Variants in COL2A1 observed in about 807,000 individuals in gnomAD.
COL2A1 encodes the protein collagen alpha-1(II) chain.
Under a neutral mutation model 204.5 loss-of-function variants are expected in COL2A1, and 28 were observed. That is an observed-to-expected ratio of 0.14 (90% CI 0.10 to 0.19). The LOEUF (loss-of-function observed/expected upper bound fraction) is 0.19, where lower values mean the gene tolerates loss of function less well. Among genes scored for constraint, COL2A1 ranks in the 10% least tolerant of loss-of-function variants. The probability of loss-of-function intolerance (pLI) is 1.00; values close to 1 mark genes in which losing one functional copy is unlikely to be tolerated. For missense variants in COL2A1, 1,388 were observed against 2,027.5 expected (o/e 0.68, Z 6.06); for synonymous variants, 708 against 718.7 (o/e 0.99, Z 0.24).
Position 47,978,601 on chromosome 12 carries a change from G to A in COL2A1, c.2891C>T (p.Pro964Leu), listed in dbSNP as rs762474697. The change falls in exon 42 of 54, where the codon CCC becomes CTC. Residue 964 changes from proline to leucine, a missense_variant. Pro to Leu is a moderately conservative substitution (Grantham distance 98). Around this residue, in one of 3 missense-constraint regions of COL2A1, gnomAD observed 884 missense variants for 1,415.8 expected, o/e 0.62. Coordinates refer to ENST00000380518, the MANE Select transcript of COL2A1 (RefSeq NM_001844.5). The surrounding 1 kb of genome is among the most constrained non-coding windows in gnomAD (Gnocchi z 5.5). Reference sequence around the variant, plus strand: ...TGGGCCTGGTGAGGGACTTACAGAGGGACCGTCATCTCCAGGCTCTCCCTT... The same window carrying A: ...TGGGCCTGGTGAGGGACTTACAGAGAGACCGTCATCTCCAGGCTCTCCCTT... ...GEKGEPGDDG[P>L]SGAEGPPGPQ... The A allele has an allele frequency of 1.9e-6, 3 of 1,613,408 alleles. No homozygotes were observed. Among genetic ancestry groups the A allele is most frequent in the Non-Finnish European group, 2.5e-6 (3 of 1,179,956 alleles).
chr12:47,977,025 C>T, intron 47 of COL2A1, 77 bp downstream of exon 47: 1 of 1,554,348 alleles, frequency 6.4e-7, no homozygotes, highest in South Asian at 1.2e-5. Context: ...GCTGGAGGCC[C>T]AGGAACCACC....
At chr12:47,994,628 A>G in intron 11 of COL2A1, 151 bp from the exon 12 acceptor site, 1 of 794,832 alleles carries the variant, frequency 1.3e-6, no homozygotes, top group Non-Finnish European at 2.1e-6. Flanking sequence ...ACGTGCCTGG[A>G]TGCCTTTCAT....
rs1189527672 is a variant in COL2A1 at position 47,994,036 on chromosome 12, A to T, written c.828T>A (p.Gly276=). The T allele has an allele frequency of 6.2e-7, 1 of 1,613,928 alleles. No individual in the cohort carries two copies. The highest frequency in any genetic ancestry group is 1.1e-5 in the South Asian group (1 of 91,082). Residue 276 remains glycine, a synonymous_variant, in exon 13 of 54, where the codon GGT becomes GGA. Coordinates refer to ENST00000380518, the MANE Select transcript of COL2A1 (RefSeq NM_001844.5). ...RGPPGPQGAR[G]FPGTPGLPGV... ...CAGGAAGGCCTGGGGTTCCTGGGAA[A>T]CCACGAGCACCCTGCAATCCAAAGT...
At chr12:47,997,567 G>T (rs1940018809) in intron 7 of COL2A1, 39 bp downstream of exon 7, 2 of 1,613,622 alleles carry the variant, frequency 1.2e-6, no homozygotes, top group African/African-American at 2.7e-5. Flanking sequence ...CACATTTCTG[G>T]AGGGACAGCC....
intron 2 of COL2A1, 70 bp downstream of exon 2, chr12:47,999,849 C>A (rs1940148738): frequency 1.5e-6 from 2 of 1,372,358 alleles, no homozygotes; most frequent in African/African-American, 2.9e-5. Context: ...CGACCAGCAT[C>A]TATGGGAGCG....
rs1046781750 is a variant in COL2A1, at chr12:47,988,166, C to A, written c.1123-457G>T. ...AGTCTCTGAACATCCCAGCTCAGAG[C>A]ACCACCTCACTCCCATCTGGCTGAC... On this transcript the variant is annotated intron_variant, in intron 18 of 53. Transcript: ENST00000380518. Among the ~76,000 whole-genome samples the A allele has an allele frequency of 3.9e-5, 6 of 152,212 alleles. 1 individual carries two copies. Among genetic ancestry groups the A allele is most frequent in the Admixed American group, 3.9e-4 (6 of 15,294 alleles).
rs1370511830 is a variant in COL2A1, at chr12:47,973,044, C to T, written c.*363G>A. ...CAGAGGTGTTTGACACAGAATAGCA[C>T]CATTGTGTAGGACACACACAGTTCC... On this transcript the variant is annotated 3_prime_UTR_variant, in exon 54 of 54. Transcript: ENST00000380518. 2 of 571,114 alleles carry T rather than the reference C, an allele frequency of 3.5e-6. No homozygotes were observed. The highest frequency in any genetic ancestry group is 6.2e-6 in the Non-Finnish European group (2 of 320,996). 35.4% of individuals were successfully genotyped at this position (571,114 alleles called of 1,614,324 possible).
intron 40 of COL2A1, 70 bp downstream of exon 40, chr12:47,979,939 C>CT: frequency 7.2e-7 from 1 of 1,395,652 alleles, no homozygotes. Flanking sequence ...CAGAACACCC[C>CT]CGCCATGGGA....
rs111570218 is a variant in COL2A1 at position 47,982,950 on chromosome 12, C to A, written c.2095-4G>T. ...CACCTGGGAAACCTCGTTCACCCTG[C>A]GGCAGAGACACCAAGAAGTGATCAA... On this transcript the variant is annotated splice_polypyrimidine_tract_variant and splice_region_variant and intron_variant, in intron 32 of 53. Transcript: ENST00000380518. 8.1e-6 allele frequency: 13 copies of A among 1,613,324 alleles called. No homozygotes were observed. The highest frequency in any genetic ancestry group is 3.3e-5 in the South Asian group (3 of 91,064).
Position 47,983,665 on chromosome 12 carries a change from C to T in COL2A1, c.1995+18G>A. 6.3e-7 allele frequency: 1 copy of T among 1,592,388 alleles called. No homozygotes were observed. The highest frequency in any genetic ancestry group is 8.6e-7 in the Non-Finnish European group (1 of 1,169,360). Reference sequence around the variant, plus strand: ...GTATGGCAAAGGACTGCACAGAGAGCCTGGTCCAGCCACCTACCTGGAACC... The same window carrying T: ...GTATGGCAAAGGACTGCACAGAGAGTCTGGTCCAGCCACCTACCTGGAACC... On this transcript the variant is annotated intron_variant, in intron 30 of 53. Coordinates refer to ENST00000380518, the MANE Select transcript of COL2A1 (RefSeq NM_001844.5).
At chr12:47,995,393 G>C in intron 10 of COL2A1, 85 bp from the exon 11 acceptor site, 1 of 1,176,544 alleles carries the variant, frequency 8.5e-7, no homozygotes, top group South Asian at 1.2e-5. Flanking sequence ...TTGTAGTTTT[G>C]GAAGCCAGTT....
At chr12:47,975,234 A>G in intron 51 of COL2A1, 83 bp downstream of exon 51, 1 of 1,539,450 alleles carries the variant, frequency 6.5e-7, no homozygotes, top group Non-Finnish European at 8.9e-7. Flanking sequence ...GCCCTGTACT[A>G]GGGGGCATCT....
chr12:47,977,967 C>T, intron 44 of COL2A1, 43 bp downstream of exon 44: 1 of 1,548,722 alleles, frequency 6.5e-7, no homozygotes, highest in Non-Finnish European at 8.9e-7. Context: ...TCACAGGGCC[C>T]CTCTCCCCAA....
chr12:47,985,636 C>T, intron 25 of COL2A1, 49 bp from the exon 26 acceptor site: 1 of 1,609,922 alleles, frequency 6.2e-7, no homozygotes, highest in Non-Finnish European at 8.5e-7. Context: ...GGCCCCAGGA[C>T]CTCCCAATCC....
intron 1 of COL2A1, chr12:48,003,085 C>G (rs1187423671): frequency 6.6e-6 from 1 of 152,206 alleles, no homozygotes; most frequent in South Asian, 2.1e-4. Flanking sequence ...CCGTCGGAAA[C>G]GTGCCCAAAC....
chr12:47,993,623 G>T, intron 14 of COL2A1, 121 bp from the exon 15 acceptor site: 1 of 1,109,806 alleles, frequency 9.0e-7, no homozygotes, highest in Non-Finnish European at 1.4e-6. Flanking sequence ...CTTCAGTCCT[G>T]TGAGGGACAA....
At position 47,975,561 on chromosome 12, in the gene COL2A1, A is replaced by C; in HGVS notation, c.3642T>G (p.Pro1214=). 6.2e-7 allele frequency: 1 copy of C among 1,603,292 alleles called. No individual in the cohort carries two copies. The highest frequency in any genetic ancestry group is 1.1e-5 in the South Asian group (1 of 91,088). ...AGGCGGACATGTCGATGCCAGGGCC[A>C]GGGGGACCTGGAGGACCAGGGGGTC... ...NPGPPGPPGP[P]GPGIDMSAFA... Residue 1214 remains proline, a synonymous_variant, in exon 51 of 54, where the codon CCT becomes CCG. Coordinates refer to ENST00000380518, the MANE Select transcript of COL2A1 (RefSeq NM_001844.5).
chr12:47,986,161 G>A (rs987554889), intron 23 of COL2A1, among the ~76,000 whole-genome samples, 175 bp downstream of exon 23: 1 of 152,200 alleles, frequency 6.6e-6, no homozygotes, highest in African/African-American at 2.4e-5. Context: ...ATGTCAGTCT[G>A]GTGGTTGGCG....
At chr12:47,983,202 C>A in intron 31 of COL2A1, 65 bp from the exon 32 acceptor site, 1 of 1,567,542 alleles carries the variant, frequency 6.4e-7, no homozygotes, top group Non-Finnish European at 8.7e-7. Context: ...AACAATTCTC[C>A]ACAGCAGGGC....
Sources: allele counts gnomAD v4.1 joint callset (sites outside exome capture counted in the v4.1 genomes callset), GRCh38; gene constraint gnomAD v4.1.1; regional missense constraint gnomAD v4.1.1; non-coding constraint Gnocchi (gnomAD v3.1); transcripts MANE v1.5; gene names NCBI Gene and HGNC (gene_info 2026-07-23, HGNC 2026-07-21).